The following MED13 variants were observed in gnomAD, a reference collection of about 807,000 sequenced individuals.
The protein encoded by MED13 is mediator complex subunit 13.
A neutral mutation model predicts 225.2 loss-of-function variants in MED13; 23 were observed. That is an observed-to-expected ratio of 0.10 (90% CI 0.07 to 0.14). The LOEUF is 0.14. Ranked by LOEUF, MED13 falls within the 10% of genes least tolerant of loss-of-function variation. The pLI, the probability that MED13 is intolerant of heterozygous loss-of-function variation, is 1.00. For missense variants in MED13, 2,197 were observed against 2,594.5 expected (o/e 0.85, Z 3.33); for synonymous variants, 942 against 889.2 (o/e 1.06, Z -1.06).
chr17:61,953,976 G>A (rs1443153541), intron 26 of MED13, among the ~76,000 whole-genome samples: 1 of 152,130 alleles, frequency 6.6e-6, no homozygotes, highest in Non-Finnish European at 1.5e-5. Context: ...ATTAGGTACA[G>A]TAAGAGATTA....
At chr17:61,953,713 C>T (rs1048039780) in intron 26 of MED13, among the ~76,000 whole-genome samples, 13 of 152,138 alleles carry the variant, frequency 8.5e-5, no homozygotes, top group East Asian at 3.8e-4. Flanking sequence ...AAAATAAATG[C>T]GTGTTGTTTT....
At chr17:61,980,119 G>A (rs2143447369) in intron 16 of MED13, among the ~76,000 whole-genome samples, 1 of 152,272 alleles carries the variant, frequency 6.6e-6, no homozygotes, top group Non-Finnish European at 1.5e-5. Flanking sequence ...AACCCGGGAG[G>A]TGGAGGTTGC....
rs1014410511 is a variant in MED13 at position 61,961,151 on chromosome 17, A to C, written c.5257-61T>G. 5.4e-6 allele frequency: 7 copies of C among 1,306,976 alleles called. No individual in the cohort carries two copies. The African/African-American group carries it at 1.1e-4, about 20-fold the overall frequency. 81.0% of individuals were successfully genotyped at this position (1,306,976 alleles called of 1,614,324 possible). On this transcript the variant is annotated intron_variant, in intron 22 of 29. Coordinates refer to ENST00000397786, the MANE Select transcript of MED13 (RefSeq NM_005121.3). Reference sequence around the variant, plus strand: ...ACAATCTTAGAGAAATATTGCATTTAAAATGTAATTCTTATCTACCCAATT... The same window carrying C: ...ACAATCTTAGAGAAATATTGCATTTCAAATGTAATTCTTATCTACCCAATT...
intron 16 of MED13, 114 bp from the exon 17 acceptor site, chr17:61,973,002 G>A: frequency 2.7e-6 from 2 of 746,990 alleles, no homozygotes; most frequent in Non-Finnish European, 4.2e-6. Flanking sequence ...GCATCAAGAA[G>A]ATTAAACCCT....
chr17:62,054,684 T>C (rs1348465162), intron 2 of MED13, among the ~76,000 whole-genome samples: 9 of 152,288 alleles, frequency 5.9e-5, no homozygotes, highest in South Asian at 2.1e-4. Context: ...CAAAATTAAA[T>C]AGCTACATTA....
rs900267059 is a variant in MED13 at position 61,998,931 on chromosome 17, T to A, written c.1968-3566A>T. Among the ~76,000 whole-genome samples, 7 of 148,148 alleles carry A rather than the reference T, an allele frequency of 4.7e-5. No individual in the cohort carries two copies. In the East Asian group the frequency reaches 1.4e-3, roughly 29 times the overall value. On this transcript the variant is annotated intron_variant, in intron 9 of 29. Coordinates refer to ENST00000397786, the MANE Select transcript of MED13 (RefSeq NM_005121.3). ...TCCCACTTTTTAAATGGTACTTTTT[T>A]TTTTTTTTTTTTTTTTTTACCGTCT... is the stretch of plus-strand genomic sequence containing the variant.
At chr17:61,995,967 C>T (rs73991955) in intron 9 of MED13, among the ~76,000 whole-genome samples, 2,685 of 152,232 alleles carry the variant, frequency 0.018, 73 homozygotes, top group African/African-American at 0.059. Context: ...ATCACATTGG[C>T]ACATCAATTT....
At chr17:62,056,026 T>G (rs544154472) in intron 2 of MED13, among the ~76,000 whole-genome samples, 6 of 152,272 alleles carry the variant, frequency 3.9e-5, no homozygotes, top group Non-Finnish European at 8.8e-5. Context: ...CCAACGTATC[T>G]CTGAAGTATG....
intron 17 of MED13, among the ~76,000 whole-genome samples, chr17:61,971,739 G>C (rs1266981243): frequency 6.6e-6 from 1 of 152,068 alleles, no homozygotes; most frequent in South Asian, 2.1e-4. Flanking sequence ...TTTGAAACCA[G>C]CCCGGCCAAC....
chr17:61,960,837 G>C, intron 23 of MED13, 30 bp downstream of exon 23: 1 of 1,427,404 alleles, frequency 7.0e-7, no homozygotes, highest in Non-Finnish European at 9.8e-7. Flanking sequence ...CAAATGGAAT[G>C]ATATGATATA....
chr17:62,029,776 T>C (rs777398798), intron 7 of MED13, 75 bp downstream of exon 7: 15 of 1,525,978 alleles, frequency 9.8e-6, no homozygotes, highest in Non-Finnish European at 1.3e-5. Context: ...AAATGACTGT[T>C]TATACTTTAG....
At chr17:62,058,819 C>T (rs1367483966) in intron 2 of MED13, among the ~76,000 whole-genome samples, 4 of 152,178 alleles carry the variant, frequency 2.6e-5, no homozygotes, top group African/African-American at 9.7e-5. Context: ...TATTGACTTA[C>T]TGCTACAAAA....
intron 10 of MED13, 116 bp downstream of exon 10, chr17:61,995,036 A>T: frequency 1.2e-6 from 1 of 811,084 alleles, no homozygotes; most frequent in Non-Finnish European, 1.9e-6. Flanking sequence ...TAAATAAATG[A>T]TTACTCTTTC....
chr17:62,036,017 T>G (rs1412290051), intron 3 of MED13, among the ~76,000 whole-genome samples: 1 of 151,432 alleles, frequency 6.6e-6, no homozygotes, highest in African/African-American at 2.4e-5. Context: ...TTGTAACTCC[T>G]GGGCTCAAGG....
chr17:62,020,588 C>G (rs1246909474), intron 8 of MED13, among the ~76,000 whole-genome samples: 2 of 151,420 alleles, frequency 1.3e-5, no homozygotes, highest in African/African-American at 2.4e-5. Flanking sequence ...ACCATGGTGG[C>G]CAGGATGGTC....
At chr17:62,009,078 G>A (rs1169632057) in intron 9 of MED13, among the ~76,000 whole-genome samples, 1 of 152,154 alleles carries the variant, frequency 6.6e-6, no homozygotes, top group South Asian at 2.1e-4. Context: ...GATAAGGAAG[G>A]AATCGTAATC....
At chr17:61,995,108 A>G in intron 10 of MED13, 44 bp downstream of exon 10, 3 of 1,367,562 alleles carry the variant, frequency 2.2e-6, no homozygotes, top group Non-Finnish European at 3.1e-6. Context: ...ATGCAGTGCT[A>G]CAAAATCAAC....
chr17:61,955,255 T>C, intron 26 of MED13, 127 bp downstream of exon 26: 1 of 753,616 alleles, frequency 1.3e-6, no homozygotes, highest in South Asian at 2.7e-5. Context: ...CTCAAGATCC[T>C]TAACTTATCA....
At chr17:62,002,199 T>C (rs1425016457) in intron 9 of MED13, among the ~76,000 whole-genome samples, 4 of 151,954 alleles carry the variant, frequency 2.6e-5, no homozygotes, top group Admixed American at 6.6e-5. Context: ...TTAAATGCCA[T>C]CAAAAGAGGG....
Sources: allele counts gnomAD v4.1 joint callset (sites outside exome capture counted in the v4.1 genomes callset), GRCh38; gene constraint gnomAD v4.1.1; transcripts MANE v1.5; gene names NCBI Gene and HGNC (gene_info 2026-07-23, HGNC 2026-07-21).